BAZ2B: variants seen among roughly 807,000 people sequenced by gnomAD.
The protein encoded by BAZ2B is bromodomain adjacent to zinc finger domain 2B.
A neutral mutation model predicts 246.0 loss-of-function variants in BAZ2B; 91 were observed. The observed-to-expected ratio is 0.37, with a 90% CI of 0.31 to 0.44. The LOEUF (loss-of-function observed/expected upper bound fraction) is 0.44, where lower values mean the gene tolerates loss of function less well. Among genes scored for constraint, BAZ2B ranks in the 20% least tolerant of loss-of-function variants. BAZ2B has a pLI of 1.00. For missense variants in BAZ2B, 2,332 were observed against 2,533.7 expected, an observed-to-expected ratio of 0.92 and a Z score of 1.71; for synonymous variants, 855 against 860.0, an observed-to-expected ratio of 0.99 and a Z score of 0.10.
chr2:159,654,727 C>T, the BAZ2B span, among the ~76,000 whole-genome samples: 1 of 152,140 alleles, frequency 6.6e-6, no homozygotes, highest in Admixed American at 6.5e-5. Context: ...GTAATTCCTG[C>T]ACTTTGGGAG....
chr2:159,635,142 T>C, the BAZ2B span, among the ~76,000 whole-genome samples: 2 of 152,150 alleles, frequency 1.3e-5, no homozygotes, highest in African/African-American at 4.8e-5. Context: ...TGTTTGAGAT[T>C]TTCTGGGAGG....
At chr2:159,679,283 A>AAAAG in the BAZ2B span, among the ~76,000 whole-genome samples, 1 of 147,782 alleles carries the variant, frequency 6.8e-6, no homozygotes, top group Admixed American at 7.1e-5. Flanking sequence ...AAAAAAAAAA[A>AAAAG]AAAAAAAAAA....
chr2:159,590,269 CAAA>C (rs34798154), intron 1 of BAZ2B, among the ~76,000 whole-genome samples: 11 of 69,312 alleles, frequency 1.6e-4, no homozygotes, highest in Non-Finnish European at 1.9e-4. Flanking sequence ...ATCTTCCACT[CAAA>C]AAAAAAAAAA....
At chr2:159,325,517 A>T (rs1431324902) in intron 35 of BAZ2B, 136 bp downstream of exon 35, 1 of 941,174 alleles carries the variant, frequency 1.1e-6, no homozygotes, top group Non-Finnish European at 1.5e-6. Flanking sequence ...TTACTTATAT[A>T]TTTTCTTAAC....
chr2:159,513,972 C>T (rs2083187010), intron 2 of BAZ2B, among the ~76,000 whole-genome samples: 1 of 152,134 alleles, frequency 6.6e-6, no homozygotes. Flanking sequence ...AGTCATGCTC[C>T]TGCCTCATGC....
At chr2:159,711,787 C>CCATT in the BAZ2B span, 1 of 152,156 alleles carries the variant, frequency 6.6e-6, no homozygotes, top group African/African-American at 2.4e-5. Context: ...ATTCACCAGA[C>CCATT]CATTCACCTC....
At chr2:159,591,048 G>A (rs892254250) in intron 1 of BAZ2B, among the ~76,000 whole-genome samples, 1 of 152,130 alleles carries the variant, frequency 6.6e-6, no homozygotes, top group Non-Finnish European at 1.5e-5. Flanking sequence ...CACTTAAGTA[G>A]TATCTGTGAA....
At chr2:159,376,770 C>T (rs151110887) in intron 25 of BAZ2B, among the ~76,000 whole-genome samples, 44 of 152,170 alleles carry the variant, frequency 2.9e-4, no homozygotes, top group African/African-American at 9.6e-4. Flanking sequence ...AAGACTCTTC[C>T]TATGATGCAA....
At chr2:159,637,139 T>A in the BAZ2B span, among the ~76,000 whole-genome samples, 1 of 152,132 alleles carries the variant, frequency 6.6e-6, no homozygotes, top group Non-Finnish European at 1.5e-5. Flanking sequence ...GGTGGAAGAC[T>A]CCTTCTGTTT....
intron 3 of BAZ2B, chr2:159,464,534 T>C (rs908385788): frequency 1.4e-5 from 2 of 146,048 alleles, no homozygotes; most frequent in Admixed American, 1.3e-4. Flanking sequence ...GTTAAGCTGG[T>C]ATCTGCCAGG....
At chr2:159,449,091 C>T (rs1051470491) in intron 4 of BAZ2B, among the ~76,000 whole-genome samples, 3 of 152,094 alleles carry the variant, frequency 2.0e-5, no homozygotes, top group African/African-American at 7.2e-5. Context: ...TTTTTACTTC[C>T]ACTCATTAAT....
chr2:159,583,120 T>C (rs2151644784), intron 1 of BAZ2B, among the ~76,000 whole-genome samples: 1 of 150,856 alleles, frequency 6.6e-6, no homozygotes, highest in African/African-American at 2.4e-5. Flanking sequence ...TTCTTTTTTT[T>C]TTTTTTTTGT....
At chr2:159,523,443 C>A (rs755665544) in intron 2 of BAZ2B, among the ~76,000 whole-genome samples, 1 of 151,910 alleles carries the variant, frequency 6.6e-6, no homozygotes, top group African/African-American at 2.4e-5. Flanking sequence ...CAGTGGCTCA[C>A]GCTTGTAATC....
At chr2:159,520,893 T>C (rs2151259159) in intron 2 of BAZ2B, among the ~76,000 whole-genome samples, 1 of 152,296 alleles carries the variant, frequency 6.6e-6, no homozygotes, top group African/African-American at 2.4e-5. Context: ...GTATTTGAAC[T>C]CATAACATAA....
intron 27 of BAZ2B, among the ~76,000 whole-genome samples, chr2:159,372,225 T>G (rs1313640130): frequency 6.6e-6 from 1 of 152,216 alleles, no homozygotes; most frequent in Admixed American, 6.5e-5. Flanking sequence ...TAGCAGGCAT[T>G]CAAAAATGTG....
chr2:159,548,739 C>T (rs1344686206), intron 2 of BAZ2B, among the ~76,000 whole-genome samples: 1 of 152,090 alleles, frequency 6.6e-6, no homozygotes, highest in Non-Finnish European at 1.5e-5. Context: ...TTTGAGGTTC[C>T]AGTGAGCTAT....
chr2:159,621,794 T>C, the BAZ2B span, among the ~76,000 whole-genome samples: 20 of 149,088 alleles, frequency 1.3e-4, no homozygotes, highest in African/African-American at 5.0e-4. Flanking sequence ...CTAGATCCTG[T>C]CTCTACAAAA....
At chr2:159,454,526 A>G (rs1181993906) in intron 3 of BAZ2B, among the ~76,000 whole-genome samples, 1 of 152,184 alleles carries the variant, frequency 6.6e-6, no homozygotes, top group African/African-American at 2.4e-5. Flanking sequence ...AGTGGTAAAT[A>G]TTTGTATATC....
rs1013839394 is a variant in BAZ2B, at chr2:159,412,269, T to C, written c.2677+66A>G. 4 of 1,496,122 alleles carry C rather than the reference T, an allele frequency of 2.7e-6. No homozygotes were observed. The African/African-American group carries it at 5.6e-5, about 21-fold the overall frequency. The allele number at this position is 1,496,122 out of a possible 1,614,324, so 92.7% of individuals were successfully genotyped here. A position where few individuals can be genotyped will look rare whatever the true frequency, so the allele number is the denominator to read the frequency against. On this transcript the variant is annotated intron_variant, in intron 14 of 36. Coordinates refer to ENST00000392783, the MANE Select transcript of BAZ2B (RefSeq NM_013450.4). ...AGCAGTGTCAATCCTAAGTCAAAAATATTAGAAATACTTTTAGTATACTTT... is the reference window on the plus strand; with the variant it reads ...AGCAGTGTCAATCCTAAGTCAAAAACATTAGAAATACTTTTAGTATACTTT...
Sources: gnomAD v4.1 joint callset for allele counts (sites outside exome capture counted in the v4.1 genomes callset) on GRCh38, gnomAD v4.1.1 for gene constraint, MANE v1.5 for transcripts, NCBI Gene and HGNC (gene_info 2026-07-23, HGNC 2026-07-21) for gene names.